SNTB2: variants seen among roughly 807,000 people sequenced by gnomAD.
The protein encoded by SNTB2 is syntrophin beta 2.
Under a neutral mutation model 46.2 loss-of-function variants are expected in SNTB2, and 34 were observed. The ratio of observed to expected loss-of-function variants is 0.74; its 90% CI spans 0.56 to 0.98. The LOEUF (loss-of-function observed/expected upper bound fraction) is 0.98. SNTB2 is among the 50% of genes least tolerant of loss of function. SNTB2 has a pLI of 0.00. For missense variants in SNTB2, 603 were observed against 731.4 expected, an observed-to-expected ratio of 0.82 and a Z score of 2.02; for synonymous variants, 290 against 312.6, an observed-to-expected ratio of 0.93 and a Z score of 0.76.
chr16:69,189,132 G>T (rs1472828814), intron 1 of SNTB2, among the ~76,000 whole-genome samples: 1 of 152,128 alleles, frequency 6.6e-6, no homozygotes, highest in Non-Finnish European at 1.5e-5. Context: ...TGATTTACCA[G>T]AAATGATTTC....
At position 69,292,367 on chromosome 16, in the gene SNTB2, TA is replaced by T. The variant is rs1395833051; in HGVS notation, c.1346-7222del. Among the ~76,000 whole-genome samples, 85 of 20,322 alleles carry T rather than the reference TA, an allele frequency of 4.2e-3. 7 individuals carry two copies. The highest frequency in any genetic ancestry group is 0.042 in the East Asian group (46 of 1,102). The allele number at this position is 20,322 out of a possible 152,430, so 13.3% of individuals were successfully genotyped here. ...TCACCTTATTTTTTATATATATATA[TA>T]TATATATATATTATATATATATTAT... On this transcript the variant is annotated intron_variant, in intron 5 of 6. Coordinates refer to ENST00000336278, the MANE Select transcript of SNTB2 (RefSeq NM_006750.4).
intron 1 of SNTB2, among the ~76,000 whole-genome samples, chr16:69,198,433 C>T (rs1232429752): frequency 6.6e-6 from 1 of 152,058 alleles, no homozygotes; most frequent in African/African-American, 2.4e-5. Context: ...GTATTTTTGA[C>T]AAGAGAAATG....
chr16:69,292,296 T>G (rs957458288), intron 5 of SNTB2, among the ~76,000 whole-genome samples: 1 of 143,758 alleles, frequency 7.0e-6, no homozygotes, highest in African/African-American at 2.6e-5. Context: ...GGTTGTACTA[T>G]CTACACAAAG....
chr16:69,286,736 A>G (rs1399983577), intron 5 of SNTB2, among the ~76,000 whole-genome samples: 1 of 151,682 alleles, frequency 6.6e-6, no homozygotes, highest in East Asian at 1.9e-4. Flanking sequence ...AAAGCCAGAC[A>G]TAGTGGCACA....
rs34703750 is a variant in SNTB2, at chr16:69,300,977, C to CAAA, written c.*63_*65dup. On this transcript the variant is annotated 3_prime_UTR_variant, in exon 7 of 7. Transcript: ENST00000336278. ...ACTGTCACAAGAAATATTTCCACCT[C>CAAA]AAAAAAAAAAAAGCACAAAAAGAAA... The CAAA allele has an allele frequency of 4.3e-5, 38 of 884,400 alleles. No individual in the cohort carries two copies. Among genetic ancestry groups the CAAA allele is most frequent in the Non-Finnish European group, 4.8e-5 (28 of 586,774 alleles). The allele number at this position is 884,400 out of a possible 1,614,324, so 54.8% of individuals were successfully genotyped here.
chr16:69,278,349 AGT>A lies in SNTB2; in HGVS notation c.1149-5697_1149-5696del, dbSNP rs374377022. ...AATTAAAAAAAAAGAAAATATAAAAAGTGAATAGATTAAACTGTAAAGCAAAA... is the reference window on the plus strand; with the variant it reads ...AATTAAAAAAAAAGAAAATATAAAAAGAATAGATTAAACTGTAAAGCAAAA... On this transcript the variant is annotated intron_variant, in intron 4 of 6. Coordinates refer to ENST00000336278, the MANE Select transcript of SNTB2 (RefSeq NM_006750.4). 8.3e-4 allele frequency among the ~76,000 whole-genome samples: 126 copies of A among 152,272 alleles called. 1 individual carries two copies. In the South Asian group the frequency reaches 0.016, roughly 20 times the overall value.
chr16:69,267,204 A>G (rs1964895299), intron 3 of SNTB2, among the ~76,000 whole-genome samples: 1 of 151,746 alleles, frequency 6.6e-6, no homozygotes, highest in African/African-American at 2.4e-5. Flanking sequence ...ATTTTTGTAG[A>G]GATGGGGTTT....
At chr16:69,187,773 G>GGGGCC in intron 1 of SNTB2, 27 bp downstream of exon 1, 3 of 331,850 alleles carry the variant, frequency 9.0e-6, no homozygotes, top group Non-Finnish European at 1.1e-5. Flanking sequence ...GGGAGGGTGG[G>GGGGCC]CAGGCCGCGG....
rs138304475 is a variant in SNTB2 at position 69,206,123 on chromosome 16, A to G, written c.580+18377A>G. Among the ~76,000 whole-genome samples, 1,090 of 152,250 alleles carry G rather than the reference A, an allele frequency of 7.2e-3. 11 individuals carry two copies. The highest frequency in any genetic ancestry group is 0.025 in the African/African-American group (1,033 of 41,540). On this transcript the variant is annotated intron_variant, in intron 1 of 6. Transcript: ENST00000336278. ...GAGATTTTCCCGCCTTAGCCTCCCA[A>G]GAAACGAGAATTACAGGAGCGTGCC...
chr16:69,225,033 A>G (rs1964445835), intron 1 of SNTB2, among the ~76,000 whole-genome samples: 1 of 152,238 alleles, frequency 6.6e-6, no homozygotes, highest in Non-Finnish European at 1.5e-5. Flanking sequence ...GAGGGAAAGA[A>G]CACGAAGACA....
intron 1 of SNTB2, among the ~76,000 whole-genome samples, chr16:69,219,526 G>C (rs1157339121): frequency 6.6e-6 from 1 of 152,156 alleles, no homozygotes; most frequent in African/African-American, 2.4e-5. Flanking sequence ...TACAAGCCTA[G>C]AGACTAAATA....
chr16:69,266,225 A>G (rs1216845674), intron 3 of SNTB2, among the ~76,000 whole-genome samples: 1 of 151,984 alleles, frequency 6.6e-6, no homozygotes, highest in Admixed American at 6.6e-5. Flanking sequence ...TTAGCCGGGC[A>G]TGGTGGCGGA....
intron 4 of SNTB2, among the ~76,000 whole-genome samples, chr16:69,274,966 G>GCCTT (rs1964972923): frequency 6.6e-6 from 1 of 152,028 alleles, no homozygotes; most frequent in Admixed American, 6.6e-5. Context: ...CTGATTGTCT[G>GCCTT]CCTTCCTTCC....
intron 1 of SNTB2, among the ~76,000 whole-genome samples, chr16:69,204,304 C>G (rs1324396304): frequency 6.6e-6 from 1 of 152,210 alleles, no homozygotes; most frequent in East Asian, 1.9e-4. Context: ...AGCACTGCTG[C>G]TCAGCTGCAG....
At chr16:69,237,221 C>G (rs931953042) in intron 1 of SNTB2, among the ~76,000 whole-genome samples, 2 of 151,870 alleles carry the variant, frequency 1.3e-5, no homozygotes, top group African/African-American at 4.8e-5. Context: ...CCTTAGGAAA[C>G]ACCTGGATTA....
Position 69,199,913 on chromosome 16 carries a change from G to T in SNTB2, c.580+12167G>T, listed in dbSNP as rs1964144206. On this transcript the variant is annotated intron_variant, in intron 1 of 6. Transcript: ENST00000336278. ...TTTAGATCCATGCTATTACTGGGAAGACAGAGACTTTTTTTTTTTGAGACA... is the reference window on the plus strand; with the variant it reads ...TTTAGATCCATGCTATTACTGGGAATACAGAGACTTTTTTTTTTTGAGACA... 2.0e-5 allele frequency among the ~76,000 whole-genome samples: 3 copies of T among 151,956 alleles called. No homozygotes were observed. The South Asian group carries it at 6.2e-4, about 31-fold the overall frequency.
At chr16:69,223,503 TATG>T (rs1329058318) in intron 1 of SNTB2, among the ~76,000 whole-genome samples, 3 of 152,084 alleles carry the variant, frequency 2.0e-5, no homozygotes, top group Non-Finnish European at 4.4e-5. Flanking sequence ...CCAACATTAG[TATG>T]ATATTATTAA....
chr16:69,257,250 A>C (rs1209651785), intron 2 of SNTB2, among the ~76,000 whole-genome samples: 1 of 151,902 alleles, frequency 6.6e-6, no homozygotes, highest in Admixed American at 6.6e-5. Flanking sequence ...GAACCAAGCT[A>C]TGTCTTAATA....
At chr16:69,259,538 G>A (rs1204256341) in intron 2 of SNTB2, among the ~76,000 whole-genome samples, 1 of 137,926 alleles carries the variant, frequency 7.3e-6, no homozygotes, top group Non-Finnish European at 1.6e-5. Context: ...CCCGGCCTCT[G>A]ATTTTTATCT....
Sources: allele counts gnomAD v4.1 joint callset (sites outside exome capture counted in the v4.1 genomes callset), GRCh38; gene constraint gnomAD v4.1.1; transcripts MANE v1.5; gene names NCBI Gene and HGNC (gene_info 2026-07-23, HGNC 2026-07-21).